ANK2: variants seen among roughly 807,000 people sequenced by gnomAD.
The protein encoded by ANK2 is ankyrin 2.
In ANK2, 83 loss-of-function variants were observed where a neutral mutation model predicts 360.5. That is an observed-to-expected ratio of 0.23 (90% confidence interval 0.19 to 0.28). The LOEUF is 0.28. Ranked by LOEUF, ANK2 falls within the 10% of genes least tolerant of loss-of-function variation. The probability of loss-of-function intolerance (pLI) is 1.00; values close to 1 mark genes in which losing one functional copy is unlikely to be tolerated. For missense variants in ANK2, 4,201 were observed against 4,795.7 expected (o/e 0.88, Z 3.66); for synonymous variants, 1,740 against 1,759.5 (o/e 0.99, Z 0.28).
intron 1 of ANK2, among the ~76,000 whole-genome samples, chr4:112,843,337 C>A (rs1310384155): frequency 2.6e-5 from 4 of 152,100 alleles, no homozygotes; most frequent in Non-Finnish European, 5.9e-5. Flanking sequence ...CTGTTTTCAT[C>A]CCAAGTACCC....
chr4:113,117,972 T>G (rs2094994749), intron 1 of ANK2, among the ~76,000 whole-genome samples: 1 of 152,182 alleles, frequency 6.6e-6, no homozygotes, highest in Non-Finnish European at 1.5e-5. Context: ...GTGAGCTGTG[T>G]CTCTGCATTT....
At chr4:113,321,931 C>T (rs1212400800) in intron 26 of ANK2, among the ~76,000 whole-genome samples, 1 of 152,058 alleles carries the variant, frequency 6.6e-6, no homozygotes, top group Non-Finnish European at 1.5e-5. Context: ...ACAGGGTTCG[C>T]CAGTTAGCCA....
At chr4:113,221,292 T>C (rs1182183931) in intron 4 of ANK2, among the ~76,000 whole-genome samples, 1 of 150,490 alleles carries the variant, frequency 6.6e-6, no homozygotes, top group Non-Finnish European at 1.5e-5. Context: ...TAAAGGTTTG[T>C]TTTCATTATA....
rs2096554858 is a variant in ANK2, at chr4:113,366,807, A to G, written c.11033-759A>G. On this transcript the variant is annotated intron_variant, in intron 41 of 45. Coordinates refer to ENST00000357077, the MANE Select transcript of ANK2 (RefSeq NM_001148.6). ...TTTTCTCCCAATATTTATCATAAATATATATCTGCAGAAATGCAAGTTCAG... is the reference window on the plus strand; with the variant it reads ...TTTTCTCCCAATATTTATCATAAATGTATATCTGCAGAAATGCAAGTTCAG... Among the ~76,000 whole-genome samples the G allele has an allele frequency of 2.0e-5, 3 of 152,198 alleles. No homozygotes were observed. The South Asian group carries it at 6.2e-4, about 31-fold the overall frequency.
intron 2 of ANK2, among the ~76,000 whole-genome samples, chr4:112,941,368 T>C (rs865923360): frequency 1.6e-3 from 228 of 145,874 alleles, no homozygotes; most frequent in African/African-American, 5.0e-3. Flanking sequence ...ATATATTATA[T>C]ATAATATACA....
At chr4:113,027,080 A>G (rs2154301290) in intron 2 of ANK2, among the ~76,000 whole-genome samples, 1 of 152,264 alleles carries the variant, frequency 6.6e-6, no homozygotes, top group East Asian at 1.9e-4. Context: ...ATACCTGTGC[A>G]TGCTTGAAGT....
upstream of ANK2, among the ~76,000 whole-genome samples, chr4:113,048,565 G>A (rs188968843): frequency 1.3e-5 from 2 of 150,588 alleles, no homozygotes; most frequent in South Asian, 2.1e-4. Context: ...GAGCCACTGC[G>A]CCCAGCCTAC....
intron 2 of ANK2, among the ~76,000 whole-genome samples, chr4:112,962,665 C>T (rs946568560): frequency 3.9e-5 from 6 of 152,074 alleles, no homozygotes; most frequent in African/African-American, 1.2e-4. Context: ...CCACTAACAG[C>T]GCATAAGTGT....
At chr4:112,902,387 T>C (rs893333517) in intron 1 of ANK2, among the ~76,000 whole-genome samples, 2 of 152,236 alleles carry the variant, frequency 1.3e-5, no homozygotes, top group African/African-American at 2.4e-5. Flanking sequence ...TTGTGTGAGA[T>C]GTTGAATCAG....
intron 40 of ANK2, 33 bp downstream of exon 40, chr4:113,363,502 A>G: frequency 6.2e-7 from 1 of 1,612,438 alleles, no homozygotes; most frequent in Non-Finnish European, 8.5e-7. Flanking sequence ...ATTGGGCTAA[A>G]GTTGGACATG....
intron 1 of ANK2, among the ~76,000 whole-genome samples, chr4:112,838,615 C>T (rs2061472788): frequency 6.6e-6 from 1 of 152,238 alleles, no homozygotes; most frequent in East Asian, 1.9e-4. Context: ...TGCCTGTAAT[C>T]CCAGCACTTT....
At chr4:113,361,536 C>CTTTTTT (rs762043370) in intron 39 of ANK2, among the ~76,000 whole-genome samples, 1 of 129,934 alleles carries the variant, frequency 7.7e-6, no homozygotes, top group Non-Finnish European at 1.7e-5. Flanking sequence ...CTCAGTCTGG[C>CTTTTTT]TTTTTTTTTT....
intron 6 of ANK2, 152 bp from the exon 7 acceptor site, chr4:113,237,447 G>T (rs2099392353): frequency 1.2e-6 from 1 of 831,304 alleles, no homozygotes; most frequent in South Asian, 1.4e-5. Flanking sequence ...AGATAAAATT[G>T]TATTGTGTGG....
chr4:113,206,720 G>A (rs2098954350), intron 4 of ANK2, among the ~76,000 whole-genome samples: 1 of 152,112 alleles, frequency 6.6e-6, no homozygotes, highest in African/African-American at 2.4e-5. Flanking sequence ...GATGAGAATC[G>A]ATGTCTTTAA....
intron 4 of ANK2, among the ~76,000 whole-genome samples, chr4:113,205,214 C>T (rs1489508446): frequency 2.1e-4 from 24 of 115,364 alleles, no homozygotes; most frequent in African/African-American, 7.8e-4. Flanking sequence ...CCAGTCTGGG[C>T]GACAGAGCAA....
chr4:113,238,045 T>C (rs76477823), intron 7 of ANK2, among the ~76,000 whole-genome samples: 1 of 152,196 alleles, frequency 6.6e-6, no homozygotes, highest in Non-Finnish European at 1.5e-5. Context: ...CCTTTTTTTT[T>C]CTGTATGCTC....
At chr4:112,742,492 AGAAGGGCCTTGTTTGCCTT>A in the ANK2 span, among the ~76,000 whole-genome samples, 1 of 152,170 alleles carries the variant, frequency 6.6e-6, no homozygotes, top group East Asian at 1.9e-4. Context: ...GTAGGTTGTC[AGAAGGGCCTTGTTTGCCTT>A]GATAAGGAGG....
At position 113,358,023 on chromosome 4, in the gene ANK2, T is replaced by C. The variant is rs150492270; in HGVS notation, c.9405T>C (p.Gly3135=). ...AAAGTTTTCACTTTTTCCAAATTGG[T>C]CAAGAATCCAGGGAAGAGACTCTCT... is the stretch of plus-strand genomic sequence containing the variant. The part of the protein sequence containing the change: ...ADESFHFFQI[G]QESREETLSE... The change falls in exon 38 of 46, where the codon GGT becomes GGC. Residue 3135 remains glycine (G), a synonymous_variant. Transcript: ENST00000357077. 6.2e-7 allele frequency: 1 copy of C among 1,613,968 alleles called. No homozygotes were observed. The highest frequency in any genetic ancestry group is 1.7e-5 in the Admixed American group (1 of 60,004).
the ANK2 span, among the ~76,000 whole-genome samples, chr4:112,795,422 T>A: frequency 6.6e-6 from 1 of 152,102 alleles, no homozygotes; most frequent in Admixed American, 6.6e-5. Flanking sequence ...TTTCTCTCAA[T>A]GAAAGATGAA....
Sources: allele counts gnomAD v4.1 joint callset (sites outside exome capture counted in the v4.1 genomes callset), GRCh38; gene constraint gnomAD v4.1.1; transcripts MANE v1.5; gene names NCBI Gene and HGNC (gene_info 2026-07-23, HGNC 2026-07-21).